Variants in BIN1 observed in about 807,000 individuals in gnomAD.
BIN1 encodes bridging integrator 1.
BIN1 carries 53 observed loss-of-function variants against 82.0 expected under a neutral mutation model. That is an observed-to-expected ratio of 0.65 (90% CI 0.52 to 0.81). The LOEUF is 0.81. BIN1 is among the 40% of genes least tolerant of loss of function. The pLI, the probability that BIN1 is intolerant of heterozygous loss-of-function variation, is 0.00. For synonymous variants in BIN1, 302 were observed against 328.0 expected (o/e 0.92, Z 0.86); for missense variants, 642 against 784.4 (o/e 0.82, Z 2.17).
chr2:127,075,076 G>C (rs536034888), intron 2 of BIN1, among the ~76,000 whole-genome samples: 1 of 152,198 alleles, frequency 6.6e-6, no homozygotes, highest in South Asian at 2.1e-4. Context: ...CTGCCCTCAG[G>C]ACAAGGGATC....
intron 18 of BIN1, among the ~76,000 whole-genome samples, chr2:127,049,376 A>G (rs1345837765): frequency 2.6e-5 from 4 of 152,100 alleles, no homozygotes; most frequent in African/African-American, 9.7e-5. Flanking sequence ...GGGGCTTAGG[A>G]GAAAGGGCCA....
chr2:127,070,834 AG>A lies in BIN1; in HGVS notation c.166-19del. 1 of 1,609,748 alleles carries A rather than the reference AG, an allele frequency of 6.2e-7. No individual in the cohort carries two copies. ...CCCTCCGTCTGCAAAGAGAAGGACAAGGACCAGGTCAGGGACTGGTGGCACA... is the reference window on the plus strand; with the variant it reads ...CCCTCCGTCTGCAAAGAGAAGGACAAGACCAGGTCAGGGACTGGTGGCACA... On this transcript the variant is annotated intron_variant, in intron 2 of 18. Transcript: ENST00000316724.
chr2:127,106,780 G>C, intron 1 of BIN1, 80 bp downstream of exon 1: 6 of 1,501,252 alleles, frequency 4.0e-6, no homozygotes, highest in South Asian at 3.7e-5. Flanking sequence ...CAGGCCCCGG[G>C]GTCGGAGGAT....
At chr2:127,075,173 G>A (rs1686425374) in intron 2 of BIN1, among the ~76,000 whole-genome samples, 2 of 152,204 alleles carry the variant, frequency 1.3e-5, no homozygotes, top group African/African-American at 4.8e-5. Context: ...ACATAGCCTT[G>A]GAAGATGTGC....
rs1416312958 is a variant in BIN1, at chr2:127,048,356, T to C, written c.*170A>G. Reference sequence around the variant, plus strand: ...CGCCGGACTTGCCGGGACGCGGCTCTTTGGAAAACGACCTAATCTTTGGGA... The same window carrying C: ...CGCCGGACTTGCCGGGACGCGGCTCCTTGGAAAACGACCTAATCTTTGGGA... On this transcript the variant is annotated 3_prime_UTR_variant, in exon 19 of 19. Coordinates refer to ENST00000316724, the MANE Select transcript of BIN1 (RefSeq NM_139343.3). 2 of 654,528 alleles carry C rather than the reference T, an allele frequency of 3.1e-6. No homozygotes were observed. The highest frequency in any genetic ancestry group is 5.3e-6 in the Non-Finnish European group (2 of 379,030). 40.5% of individuals were successfully genotyped at this position (654,528 alleles called of 1,614,324 possible). A position where few individuals can be genotyped will look rare whatever the true frequency, so the allele number is the denominator to read the frequency against.
intron 2 of BIN1, among the ~76,000 whole-genome samples, chr2:127,071,139 A>G (rs769723329): frequency 6.6e-6 from 1 of 152,140 alleles, no homozygotes; most frequent in Admixed American, 6.5e-5. Context: ...CAAACAGCAC[A>G]GCACCAGTGT....
At chr2:127,051,865 G>A (rs896905321) in intron 15 of BIN1, among the ~76,000 whole-genome samples, 1 of 152,214 alleles carries the variant, frequency 6.6e-6, no homozygotes, top group African/African-American at 2.4e-5. Flanking sequence ...TCTGAGTGCT[G>A]GAACCAAGTT....
At position 127,092,736 on chromosome 2, in the gene BIN1, C is replaced by G. The variant is rs551785239; in HGVS notation, c.84+14124G>C. On this transcript the variant is annotated intron_variant, in intron 1 of 18. Coordinates refer to ENST00000316724, the MANE Select transcript of BIN1 (RefSeq NM_139343.3). ...TGCCCAGGTTCCTTCACTAACACATCCAGTCCTCCTCCAAAGCTCCCGGGG... is the reference window on the plus strand; with the variant it reads ...TGCCCAGGTTCCTTCACTAACACATGCAGTCCTCCTCCAAAGCTCCCGGGG... Among the ~76,000 whole-genome samples, 174 of 152,288 alleles carry G rather than the reference C, an allele frequency of 1.1e-3. 1 individual carries two copies. Among genetic ancestry groups the G allele is most frequent in the African/African-American group, 4.0e-3 (167 of 41,542 alleles).
intron 1 of BIN1, among the ~76,000 whole-genome samples, chr2:127,079,933 T>A (rs1205133924): frequency 1.3e-5 from 2 of 152,232 alleles, no homozygotes; most frequent in Non-Finnish European, 2.9e-5. Context: ...AGCCTGAGGC[T>A]GAGCCAGTCT....
Position 127,090,195 on chromosome 2 carries a change from CT to C in BIN1, c.85-13490del, listed in dbSNP as rs1678737132. 6.6e-6 allele frequency among the ~76,000 whole-genome samples: 1 copy of C among 152,224 alleles called. No individual in the cohort carries two copies. The highest frequency in any genetic ancestry group is 1.5e-5 in the Non-Finnish European group (1 of 68,036). On this transcript the variant is annotated intron_variant, in intron 1 of 18. Coordinates refer to ENST00000316724, the MANE Select transcript of BIN1 (RefSeq NM_139343.3). The surrounding 1 kb of genome is among the most constrained non-coding windows in gnomAD (Gnocchi z 6.4). Reference sequence around the variant, plus strand: ...CAAGCCACCCCATTACGCTGGGCCCCTTTGGGAAAAGGGTAAACCGACAAGA... The same window carrying C: ...CAAGCCACCCCATTACGCTGGGCCCCTTGGGAAAAGGGTAAACCGACAAGA...
chr2:127,096,367 C>T (rs1348911418), intron 1 of BIN1, among the ~76,000 whole-genome samples: 2 of 152,196 alleles, frequency 1.3e-5, no homozygotes, highest in Non-Finnish European at 2.9e-5. Flanking sequence ...GCCAGAATGA[C>T]GCCCGTGGGC....
Position 127,053,933 on chromosome 2 carries a change from G to A in BIN1, c.1211C>T (p.Pro404Leu). The stretch of plus-strand genomic sequence containing the variant: ...ACCAGAGGGCGTGGGTGCCTTCACA[G>A]GGCTCGTCACGGGCGGGAGGGGGTC... ...DFDPLPPVTS[P>L]VKAPTPSGQS... is the part of the protein sequence containing the mutation. The change falls in exon 13 of 19, where the codon CCT becomes CTT. Residue 404 changes from proline (P) to leucine (L), a missense_variant. Coordinates refer to ENST00000316724, the MANE Select transcript of BIN1 (RefSeq NM_139343.3). 6.4e-7 allele frequency: 1 copy of A among 1,551,716 alleles called. No homozygotes were observed. Among genetic ancestry groups the A allele is most frequent in the Non-Finnish European group, 8.7e-7 (1 of 1,147,140 alleles).
chr2:127,055,706 G>A (rs925803159), intron 12 of BIN1: 12 of 152,286 alleles, frequency 7.9e-5, no homozygotes, highest in African/African-American at 2.6e-4. Flanking sequence ...TCATCCGCCA[G>A]AGAGCTGACC....
At chr2:127,098,650 C>T (rs1021956267) in intron 1 of BIN1, among the ~76,000 whole-genome samples, 2 of 152,114 alleles carry the variant, frequency 1.3e-5, no homozygotes, top group Non-Finnish European at 2.9e-5. Context: ...GGTGCAGGCC[C>T]GGGAAGCAGA....
intron 1 of BIN1, among the ~76,000 whole-genome samples, chr2:127,077,956 G>A (rs889316756): frequency 5.3e-5 from 8 of 152,226 alleles, no homozygotes; most frequent in African/African-American, 1.9e-4. Flanking sequence ...CAGGAGCGGT[G>A]GGGAGCCCCA....
At chr2:127,080,800 G>C (rs1475658298) in intron 1 of BIN1, among the ~76,000 whole-genome samples, 4 of 152,210 alleles carry the variant, frequency 2.6e-5, no homozygotes. Context: ...GAATGACAAA[G>C]TGTGAACCCG....
At chr2:127,094,443 C>A (rs1679322874) in intron 1 of BIN1, among the ~76,000 whole-genome samples, 1 of 152,146 alleles carries the variant, frequency 6.6e-6, no homozygotes, top group Non-Finnish European at 1.5e-5. Context: ...TGCTGTTAGC[C>A]CGTTTTATGG....
chr2:127,068,381 T>G lies in BIN1; in HGVS notation c.520-126A>C. ...GCGCGGGGGCCACCCCAAGCAGATATGGGCCCTTGAGGCCGAGAGAATTAG... is the reference window on the plus strand; with the variant it reads ...GCGCGGGGGCCACCCCAAGCAGATAGGGGCCCTTGAGGCCGAGAGAATTAG... On this transcript the variant is annotated intron_variant, in intron 6 of 18. Coordinates refer to ENST00000316724, the MANE Select transcript of BIN1 (RefSeq NM_139343.3). The surrounding 1 kb of genome is among the most constrained non-coding windows in gnomAD (Gnocchi z 4.9). 26 of 622,592 alleles carry G rather than the reference T, an allele frequency of 4.2e-5. No individual in the cohort carries two copies. The highest frequency in any genetic ancestry group is 5.2e-5 in the Admixed American group (2 of 38,280). 38.6% of individuals were successfully genotyped at this position (622,592 alleles called of 1,614,324 possible).
chr2:127,095,676 G>A lies in BIN1; in HGVS notation c.84+11184C>T, dbSNP rs539733155. 2.0e-5 allele frequency among the ~76,000 whole-genome samples: 3 copies of A among 152,336 alleles called. No homozygotes were observed. In the South Asian group the frequency reaches 6.2e-4, roughly 32 times the overall value. On this transcript the variant is annotated intron_variant, in intron 1 of 18. Transcript: ENST00000316724. Reference sequence around the variant, plus strand: ...GGCAGCACCTGGGAAAGGCCAACTTGGGGCCAAGTCTGAGGCCCAAGAGGA... The same window carrying A: ...GGCAGCACCTGGGAAAGGCCAACTTAGGGCCAAGTCTGAGGCCCAAGAGGA...
Sources: gnomAD v4.1 joint callset for allele counts (sites outside exome capture counted in the v4.1 genomes callset) on GRCh38, gnomAD v4.1.1 for gene constraint, Gnocchi (gnomAD v3.1) non-coding constraint, MANE v1.5 for transcripts, NCBI Gene and HGNC (gene_info 2026-07-23, HGNC 2026-07-21) for gene names.